PLCH1: variants seen among roughly 807,000 people sequenced by gnomAD.
PLCH1 encodes the protein 1-phosphatidylinositol 4,5-bisphosphate phosphodiesterase eta-1.
A neutral mutation model predicts 126.7 loss-of-function variants in PLCH1; 60 were observed. The observed-to-expected ratio is 0.47, with a 90% CI of 0.38 to 0.59. PLCH1 has a LOEUF of 0.59. Ranked by LOEUF, PLCH1 falls within the 20% of genes least tolerant of loss-of-function variation. The pLI, the probability that PLCH1 is intolerant of heterozygous loss-of-function variation, is 0.00. For synonymous variants in PLCH1, 719 were observed against 734.9 expected, an observed-to-expected ratio of 0.98 and a Z score of 0.35; for missense variants, 1,723 against 2,040.0, an observed-to-expected ratio of 0.84 and a Z score of 2.99.
chr3:155,676,130 G>T, intron 2 of PLCH1: 5 of 1,388,282 alleles, frequency 3.6e-6, no homozygotes, highest in Non-Finnish European at 4.7e-6. Context: ...TCCAAAAAGG[G>T]TGGGGGGAAA....
chr3:155,671,190 C>G (rs775744028), intron 2 of PLCH1, among the ~76,000 whole-genome samples: 5 of 152,188 alleles, frequency 3.3e-5, no homozygotes, highest in Non-Finnish European at 7.4e-5. Flanking sequence ...AGAGCAAGTT[C>G]TTTTCTCTCT....
intron 12 of PLCH1, among the ~76,000 whole-genome samples, 193 bp from the exon 13 acceptor site, chr3:155,504,819 G>A (rs1179133388): frequency 6.6e-6 from 1 of 152,172 alleles, no homozygotes. Context: ...CTTGGAAAGG[G>A]AAATATTGGC....
At chr3:155,715,772 C>G (rs1436410200) in intron 1 of PLCH1, among the ~76,000 whole-genome samples, 3 of 151,832 alleles carry the variant, frequency 2.0e-5, no homozygotes, top group Non-Finnish European at 4.4e-5. Flanking sequence ...ACCACCATGC[C>G]CAGCTAATTT....
chr3:155,715,019 G>A (rs1325501255), intron 1 of PLCH1, among the ~76,000 whole-genome samples: 1 of 152,026 alleles, frequency 6.6e-6, no homozygotes, highest in Non-Finnish European at 1.5e-5. Context: ...ATAAATTACA[G>A]CATTATTCAG....
chr3:155,505,405 T>C (rs888144799), intron 12 of PLCH1, among the ~76,000 whole-genome samples: 2 of 152,152 alleles, frequency 1.3e-5, no homozygotes, highest in African/African-American at 4.8e-5. Context: ...TGTTAGGTGG[T>C]TCATTACTAA....
chr3:155,551,451 A>G (rs1726113712), intron 9 of PLCH1, among the ~76,000 whole-genome samples: 1 of 8,856 alleles, frequency 1.1e-4, no homozygotes, highest in Admixed American at 8.0e-4. Context: ...TCAGAAAAAA[A>G]AAAAAAAAAA....
rs141910009 is a variant in PLCH1, at chr3:155,678,410, C to T, written c.79+25736G>A. On this transcript the variant is annotated intron_variant, in intron 2 of 22. Coordinates refer to ENST00000460012, the MANE Select transcript of PLCH1 (RefSeq NM_014996.4). ...AAGCTTTTAAAAAGCAGCCATGGCC[C>T]ATAAGTGTCTGTTTGACCACAAAGG... is the stretch of plus-strand genomic sequence containing the variant. Among the ~76,000 whole-genome samples, 29 of 152,290 alleles carry T rather than the reference C, an allele frequency of 1.9e-4. No homozygotes were observed. The East Asian group carries it at 3.1e-3, about 16-fold the overall frequency.
At chr3:155,518,415 T>C (rs1346295720) in intron 11 of PLCH1, among the ~76,000 whole-genome samples, 4 of 152,154 alleles carry the variant, frequency 2.6e-5, no homozygotes, top group African/African-American at 9.7e-5. Flanking sequence ...AATGGCTGAA[T>C]TGCAGCTTGA....
chr3:155,683,424 A>G (rs1032657536), intron 2 of PLCH1, among the ~76,000 whole-genome samples: 2 of 152,212 alleles, frequency 1.3e-5, no homozygotes, highest in African/African-American at 4.8e-5. Flanking sequence ...AACTTGAGCA[A>G]TCCATGAAAA....
intron 4 of PLCH1, among the ~76,000 whole-genome samples, chr3:155,593,735 T>G (rs568678420): frequency 3.7e-4 from 56 of 152,308 alleles, no homozygotes; most frequent in African/African-American, 1.3e-3. Context: ...GCTCCTGAGT[T>G]CATACAAGCT....
At chr3:155,611,780 C>G (rs9840447) in intron 2 of PLCH1, among the ~76,000 whole-genome samples, 28,905 of 152,042 alleles carry the variant, frequency 0.19, 3,547 homozygotes, top group African/African-American at 0.35. Context: ...AAAAAAGTCT[C>G]AACAAATTTA....
At chr3:155,528,206 A>G (rs953665692) in intron 10 of PLCH1, among the ~76,000 whole-genome samples, 5 of 147,304 alleles carry the variant, frequency 3.4e-5, no homozygotes, top group Non-Finnish European at 3.0e-5. Context: ...CCTGGGCGAC[A>G]GAGCGAGACT....
intron 7 of PLCH1, among the ~76,000 whole-genome samples, chr3:155,566,758 G>A (rs568565528): frequency 2.6e-5 from 4 of 151,720 alleles, no homozygotes; most frequent in Non-Finnish European, 4.4e-5. Flanking sequence ...ATAATGCCTG[G>A]GTCAAAGAGG....
At chr3:155,564,293 G>A (rs933201512) in intron 8 of PLCH1, among the ~76,000 whole-genome samples, 4 of 151,984 alleles carry the variant, frequency 2.6e-5, no homozygotes, top group African/African-American at 9.7e-5. Flanking sequence ...GGCCAGGCGC[G>A]GGGGCTCACA....
intron 2 of PLCH1, among the ~76,000 whole-genome samples, chr3:155,687,801 C>T (rs1327811997): frequency 6.6e-6 from 1 of 152,174 alleles, no homozygotes; most frequent in Non-Finnish European, 1.5e-5. Flanking sequence ...TATTATTTTT[C>T]TGGCAGATAC....
At chr3:155,557,985 C>T (rs1302109235) in intron 8 of PLCH1, among the ~76,000 whole-genome samples, 3 of 152,122 alleles carry the variant, frequency 2.0e-5, no homozygotes, top group African/African-American at 4.8e-5. Context: ...GAAAATCAAG[C>T]GAATAAAAGG....
At chr3:155,476,010 A>G (rs1170349542), downstream of PLCH1, among the ~76,000 whole-genome samples, 1 of 152,178 alleles carries the variant, frequency 6.6e-6, no homozygotes, top group African/African-American at 2.4e-5. Flanking sequence ...AGACACAAAA[A>G]AAGAAAATGA....
chr3:155,703,438 T>C (rs1406558261), intron 2 of PLCH1, among the ~76,000 whole-genome samples: 1 of 152,170 alleles, frequency 6.6e-6, no homozygotes. Flanking sequence ...CACCCTGGGG[T>C]ATCTTGACAG....
At chr3:155,631,099 G>C (rs1280470763) in intron 2 of PLCH1, among the ~76,000 whole-genome samples, 1 of 151,886 alleles carries the variant, frequency 6.6e-6, no homozygotes, top group South Asian at 2.1e-4. Context: ...AAATCAAACT[G>C]GTCCACATTT....
Sources: allele counts gnomAD v4.1 joint callset (sites outside exome capture counted in the v4.1 genomes callset), GRCh38; gene constraint gnomAD v4.1.1; transcripts MANE v1.5; gene names NCBI Gene and HGNC (gene_info 2026-07-23, HGNC 2026-07-21).